Variants in CREB1 observed in about 807,000 individuals in gnomAD.
The protein encoded by CREB1 is cyclic AMP-responsive element-binding protein 1.
Under a neutral mutation model 42.0 loss-of-function variants are expected in CREB1, and 2 were observed. The ratio of observed to expected loss-of-function variants is 0.05; its 90% CI spans 0.02 to 0.15. CREB1 has a LOEUF of 0.15. Ranked by LOEUF, CREB1 falls within the 10% of genes least tolerant of loss-of-function variation. The probability of loss-of-function intolerance (pLI) is 1.00; values close to 1 mark genes in which losing one functional copy is unlikely to be tolerated. For synonymous variants in CREB1, 123 were observed against 139.9 expected (o/e 0.88, Z 0.85); for missense variants, 199 against 388.9 (o/e 0.51, Z 4.11).
chr2:207,593,755 A>G lies in CREB1; in HGVS notation c.840-3159A>G, dbSNP rs549875237. Among the ~76,000 whole-genome samples the G allele has an allele frequency of 4.4e-5, 6 of 136,542 alleles. No individual in the cohort carries two copies. In the South Asian group the frequency reaches 6.8e-4, roughly 16 times the overall value. The allele number at this position is 136,542 out of a possible 152,430, so 89.6% of individuals were successfully genotyped here. A position where few individuals can be genotyped will look rare whatever the true frequency, so the allele number is the denominator to read the frequency against. On this transcript the variant is annotated intron_variant, in intron 7 of 7. Coordinates refer to ENST00000353267, the MANE Select transcript of CREB1 (RefSeq NM_004379.5). Reference sequence around the variant, plus strand: ...TTTTTTTTTTGAGACGGAAACACCTATCACCCAGGCTGGAGTGCAGTGGCG... The same window carrying G: ...TTTTTTTTTTGAGACGGAAACACCTGTCACCCAGGCTGGAGTGCAGTGGCG...
chr2:207,566,415 A>G (rs1574851356), intron 3 of CREB1, among the ~76,000 whole-genome samples: 2 of 152,202 alleles, frequency 1.3e-5, no homozygotes, highest in Admixed American at 1.3e-4. Context: ...AGGAAAGAGC[A>G]TAACGTTTCT....
chr2:207,535,831 TA>T (rs2080849758), intron 1 of CREB1, among the ~76,000 whole-genome samples: 1 of 151,960 alleles, frequency 6.6e-6, no homozygotes, highest in African/African-American at 2.4e-5. Context: ...TTTATTTATT[TA>T]TTTTTTTGAG....
At chr2:207,548,655 G>A (rs1559272271) in intron 1 of CREB1, among the ~76,000 whole-genome samples, 1 of 152,106 alleles carries the variant, frequency 6.6e-6, no homozygotes, top group Admixed American at 6.5e-5. Flanking sequence ...AGAGGCTGAG[G>A]CAGGAGAATC....
chr2:207,572,650 A>G (rs2082414700), intron 5 of CREB1, among the ~76,000 whole-genome samples: 2 of 152,068 alleles, frequency 1.3e-5, no homozygotes, highest in Admixed American at 1.3e-4. Context: ...ACCCGTCTCT[A>G]CTAAAAATAC....
intron 7 of CREB1, among the ~76,000 whole-genome samples, chr2:207,584,700 C>G (rs907586825): frequency 1.3e-5 from 2 of 152,168 alleles, no homozygotes; most frequent in Non-Finnish European, 2.9e-5. Context: ...CTGTGCCCAG[C>G]CTTCATTAGT....
rs747614031 is a variant in CREB1 at position 207,571,767 on chromosome 2, AAC to A, written c.505+1448_505+1449del. The A allele has an allele frequency of 2.0e-5, 9 of 454,890 alleles. No homozygotes were observed. In the East Asian group the frequency reaches 3.5e-4, roughly 18 times the overall value. 28.2% of individuals were successfully genotyped at this position (454,890 alleles called of 1,614,324 possible). On this transcript the variant is annotated intron_variant, in intron 5 of 7. Coordinates refer to ENST00000353267, the MANE Select transcript of CREB1 (RefSeq NM_004379.5). ...AGGGATACAACATACTCCTGTCAGT[AAC>A]AGATTCACTGTTACAGAGATTCTCA...
At chr2:207,539,572 T>C (rs933743325) in intron 1 of CREB1, among the ~76,000 whole-genome samples, 4 of 152,202 alleles carry the variant, frequency 2.6e-5, no homozygotes, top group African/African-American at 9.7e-5. Context: ...ATGAAGATTG[T>C]TCTAGTTGAT....
At chr2:207,583,663 A>G (rs1442290996) in intron 7 of CREB1, among the ~76,000 whole-genome samples, 1 of 152,172 alleles carries the variant, frequency 6.6e-6, no homozygotes, top group African/African-American at 2.4e-5. Flanking sequence ...TGACATCCCT[A>G]AGTTTTTATC....
At chr2:207,576,174 TCTG>T (rs2082585261) in intron 6 of CREB1, among the ~76,000 whole-genome samples, 3 of 150,552 alleles carry the variant, frequency 2.0e-5, no homozygotes, top group South Asian at 2.1e-4. Flanking sequence ...AATATGCAAA[TCTG>T]CTGCTCTTTA....
rs2086908099 is a variant in CREB1 at position 207,600,771 on chromosome 2, CTCTG to C, written c.*3717_*3720del. On this transcript the variant is annotated 3_prime_UTR_variant, in exon 8 of 8. Coordinates refer to ENST00000353267, the MANE Select transcript of CREB1 (RefSeq NM_004379.5). ...CAGATGTCATCTGGCTGAAGTTTAT[CTCTG>C]TCTCTCAGGATAAATCCCTGTAGGA... The C allele has an allele frequency of 4.8e-6, 1 of 209,740 alleles. No individual in the cohort carries two copies. Among genetic ancestry groups the C allele is most frequent in the Non-Finnish European group, 9.7e-6 (1 of 103,188 alleles). 13.0% of individuals were successfully genotyped at this position (209,740 alleles called of 1,614,324 possible). A position where few individuals can be genotyped will look rare whatever the true frequency, so the allele number is the denominator to read the frequency against.
At chr2:207,532,840 C>T (rs2080706000) in intron 1 of CREB1, among the ~76,000 whole-genome samples, 1 of 151,926 alleles carries the variant, frequency 6.6e-6, no homozygotes, top group South Asian at 2.1e-4. Context: ...ACTGCAAGCT[C>T]CGCCTCCCGG....
chr2:207,581,418 CAA>C lies in CREB1; in HGVS notation c.839+3765_839+3766del, dbSNP rs202225039. Reference sequence around the variant, plus strand: ...ATGTTCTCGGACAAAAGCAGGTTACCAAAGAGTATTTACATTACTATCAGGTT... The same window carrying C: ...ATGTTCTCGGACAAAAGCAGGTTACCAGAGTATTTACATTACTATCAGGTT... On this transcript the variant is annotated intron_variant, in intron 7 of 7. Coordinates refer to ENST00000353267, the MANE Select transcript of CREB1 (RefSeq NM_004379.5). The C allele has an allele frequency of 5.4e-3, 1,093 of 201,468 alleles. 11 individuals are homozygous for C. The highest frequency in any genetic ancestry group is 0.024 in the African/African-American group (1,036 of 43,712). The allele number at this position is 201,468 out of a possible 1,614,324, so 12.5% of individuals were successfully genotyped here.
At chr2:207,546,724 A>G (rs2081314902) in intron 1 of CREB1, among the ~76,000 whole-genome samples, 1 of 125,712 alleles carries the variant, frequency 8.0e-6, no homozygotes, top group South Asian at 2.7e-4. Flanking sequence ...GTGAGACCCT[A>G]TATCAAAAAA....
intron 1 of CREB1, among the ~76,000 whole-genome samples, chr2:207,553,162 G>A (rs1160869621): frequency 6.8e-6 from 1 of 146,110 alleles, no homozygotes; most frequent in East Asian, 2.0e-4. Flanking sequence ...TCTGTCTCCT[G>A]GGTTCAAGCA....
At chr2:207,594,991 CTTT>C (rs751274446) in intron 7 of CREB1, among the ~76,000 whole-genome samples, 3 of 118,822 alleles carry the variant, frequency 2.5e-5, no homozygotes, top group Non-Finnish European at 5.3e-5. Context: ...TGTTGAGCAT[CTTT>C]TTTTTTTTTT....
intron 2 of CREB1, among the ~76,000 whole-genome samples, chr2:207,558,892 C>G (rs759292861): frequency 1.6e-4 from 24 of 152,142 alleles, no homozygotes; most frequent in Non-Finnish European, 3.2e-4. Flanking sequence ...ATCCACCCGC[C>G]TCGGCCTCCC....
At chr2:207,568,683 T>C (rs1025651359) in intron 4 of CREB1, among the ~76,000 whole-genome samples, 3 of 152,160 alleles carry the variant, frequency 2.0e-5, no homozygotes, top group Non-Finnish European at 4.4e-5. Flanking sequence ...AACTAGTTTG[T>C]TACAAATTTA....
chr2:207,582,798 C>G, intron 7 of CREB1: 1 of 290,268 alleles, frequency 3.4e-6, no homozygotes, highest in Admixed American at 4.0e-5. Flanking sequence ...GCGGCTGAGG[C>G]AGAAGAATTG....
At chr2:207,532,334 AAAAAAG>A (rs1388316492) in intron 1 of CREB1, among the ~76,000 whole-genome samples, 11 of 151,884 alleles carry the variant, frequency 7.2e-5, no homozygotes, top group African/African-American at 2.2e-4. Context: ...AGAAAAAAAA[AAAAAAG>A]AAAGAATATA....
Sources: gnomAD v4.1 joint callset for allele counts (sites outside exome capture counted in the v4.1 genomes callset) on GRCh38, gnomAD v4.1.1 for gene constraint, MANE v1.5 for transcripts, NCBI Gene and HGNC (gene_info 2026-07-23, HGNC 2026-07-21) for gene names.